CACNG8: variants seen among roughly 807,000 people sequenced by gnomAD.
The protein encoded by CACNG8 is calcium voltage-gated channel auxiliary subunit gamma 8.
In CACNG8, 5 loss-of-function variants were observed where a neutral mutation model predicts 26.9. The ratio of observed to expected loss-of-function variants is 0.19; its 90% CI spans 0.10 to 0.39. The LOEUF is 0.39. Among genes scored for constraint, CACNG8 ranks in the 10% least tolerant of loss-of-function variants. The probability of loss-of-function intolerance (pLI) is 1.00; values close to 1 mark genes in which losing one functional copy is unlikely to be tolerated. For synonymous variants in CACNG8, 321 were observed against 296.7 expected (o/e 1.08, Z -0.84); for missense variants, 473 against 609.4 (o/e 0.78, Z 2.36).
chr19:53,970,336 A>G (rs1248084096), intron 1 of CACNG8, among the ~76,000 whole-genome samples: 1 of 142,494 alleles, frequency 7.0e-6, no homozygotes, highest in Non-Finnish European at 1.5e-5. Context: ...AAAGAAATAT[A>G]ACACAAGGAT....
intron 2 of CACNG8, among the ~76,000 whole-genome samples, chr19:53,979,100 C>A (rs1440204209): frequency 1.6e-5 from 2 of 125,026 alleles, no homozygotes; most frequent in Non-Finnish European, 3.1e-5. Context: ...TGAAGCCAGA[C>A]AGAAAAAGTT....
chr19:53,973,194 T>C (rs2069312269), intron 1 of CACNG8, among the ~76,000 whole-genome samples: 1 of 152,136 alleles, frequency 6.6e-6, no homozygotes, highest in Non-Finnish European at 1.5e-5. Context: ...TCATCACGAA[T>C]ATTTTGAGAG....
At chr19:53,965,639 G>A (rs927324524) in intron 1 of CACNG8, among the ~76,000 whole-genome samples, 1 of 152,014 alleles carries the variant, frequency 6.6e-6, no homozygotes, top group African/African-American at 2.4e-5. Context: ...GGATTCTGGG[G>A]CTGCAGCAGT....
intron 3 of CACNG8, among the ~76,000 whole-genome samples, chr19:53,981,871 C>G (rs1013699955): frequency 6.6e-6 from 1 of 152,100 alleles, no homozygotes. Flanking sequence ...AGGGAAGCGC[C>G]TAGAGCATCG....
chr19:53,971,963 C>T (rs2069304849), intron 1 of CACNG8, among the ~76,000 whole-genome samples: 1 of 152,170 alleles, frequency 6.6e-6, no homozygotes, highest in Admixed American at 6.6e-5. Context: ...TGGCATTAAG[C>T]ATAACTACTG....
intron 1 of CACNG8, among the ~76,000 whole-genome samples, chr19:53,964,185 G>A (rs547754605): frequency 1.5e-4 from 22 of 151,544 alleles, no homozygotes; most frequent in Admixed American, 1.2e-3. Context: ...CTCGTGCCCC[G>A]TGACATCTTC....
At chr19:53,966,661 T>C (rs1218421245) in intron 1 of CACNG8, among the ~76,000 whole-genome samples, 1 of 152,196 alleles carries the variant, frequency 6.6e-6, no homozygotes, top group Non-Finnish European at 1.5e-5. Context: ...CCCGATGTGT[T>C]GGGATTACAG....
rs1413986321 is a variant in CACNG8, at chr19:53,984,856, GGGA to G, written c.*2014_*2016del. The G allele has an allele frequency of 1.3e-5, 2 of 152,258 alleles. No individual in the cohort carries two copies. The highest frequency in any genetic ancestry group is 6.6e-5 in the Admixed American group (1 of 15,258). The allele number at this position is 152,258 out of a possible 1,614,324, so 9.4% of individuals were successfully genotyped here. On this transcript the variant is annotated 3_prime_UTR_variant, in exon 4 of 4. Coordinates refer to ENST00000270458, the MANE Select transcript of CACNG8 (RefSeq NM_031895.6). ...TGGACACAGCTACTCAGGAGGCTGA[GGGA>G]GGAGGACCATTTGACTCCAAGAGTT...
At chr19:53,980,088 G>A (rs1401599343) in intron 3 of CACNG8, 81 bp downstream of exon 3, 2 of 1,367,060 alleles carry the variant, frequency 1.5e-6, no homozygotes, top group African/African-American at 1.5e-5. Flanking sequence ...GTGTGTGTGC[G>A]CGCGCGCGCG....
At chr19:53,969,108 A>C (rs2069287536) in intron 1 of CACNG8, among the ~76,000 whole-genome samples, 2 of 151,946 alleles carry the variant, frequency 1.3e-5, no homozygotes, top group African/African-American at 4.8e-5. Flanking sequence ...GGTTCAAGCA[A>C]TTCTCCCGCC....
At chr19:53,977,635 G>A (rs2069337545) in intron 1 of CACNG8, among the ~76,000 whole-genome samples, 1 of 152,158 alleles carries the variant, frequency 6.6e-6, no homozygotes, top group Non-Finnish European at 1.5e-5. Context: ...ATCCACTGCG[G>A]CTGCTCTTCT....
At chr19:53,971,655 C>G (rs1568798019) in intron 1 of CACNG8, among the ~76,000 whole-genome samples, 1 of 152,228 alleles carries the variant, frequency 6.6e-6, no homozygotes, top group Non-Finnish European at 1.5e-5. Flanking sequence ...GCCGACCATA[C>G]AGAGCCCCTT....
At position 53,989,455 on chromosome 19, in the gene CACNG8, G is replaced by A. The variant is rs1484588300; in HGVS notation, c.*6606G>A. On this transcript the variant is annotated 3_prime_UTR_variant, in exon 4 of 4. Coordinates refer to ENST00000270458, the MANE Select transcript of CACNG8 (RefSeq NM_031895.6). ...AAAGACCCAGAGATTCGCATAGAAA[G>A]CAACGTGGAGACTCAGAAGCAAGCA... 2 of 152,620 alleles carry A rather than the reference G, an allele frequency of 1.3e-5. No individual in the cohort carries two copies. Among genetic ancestry groups the A allele is most frequent in the East Asian group, 3.9e-4 (2 of 5,190 alleles). The allele number at this position is 152,620 out of a possible 1,614,324, so 9.5% of individuals were successfully genotyped here.
intron 1 of CACNG8, among the ~76,000 whole-genome samples, chr19:53,977,437 G>A (rs752539358): frequency 9.8e-5 from 15 of 152,310 alleles, no homozygotes; most frequent in Non-Finnish European, 1.8e-4. Context: ...GAAAATAGCT[G>A]AGGATGAGCA....
At chr19:53,967,799 C>A (rs2069279900) in intron 1 of CACNG8, among the ~76,000 whole-genome samples, 1 of 152,174 alleles carries the variant, frequency 6.6e-6, no homozygotes. Context: ...CGCATCACTG[C>A]ACTCTAGCCT....
At chr19:53,974,712 G>A (rs2069321093) in intron 1 of CACNG8, among the ~76,000 whole-genome samples, 1 of 151,916 alleles carries the variant, frequency 6.6e-6, no homozygotes, top group South Asian at 2.1e-4. Context: ...CATGATCTTG[G>A]CTCACTGCAA....
intron 1 of CACNG8, among the ~76,000 whole-genome samples, chr19:53,963,870 C>T (rs1012210974): frequency 3.4e-5 from 5 of 147,332 alleles, no homozygotes; most frequent in Non-Finnish European, 6.0e-5. Context: ...GGCACAATCA[C>T]AGCTCACTGC....
intron 3 of CACNG8, 52 bp downstream of exon 3, chr19:53,980,059 T>TAC: frequency 2.6e-6 from 1 of 386,288 alleles, no homozygotes; most frequent in Non-Finnish European, 3.5e-6. Flanking sequence ...GGCGCGCACG[T>TAC]GTGTGTGTGT....
chr19:53,974,929 C>T (rs1019753328), intron 1 of CACNG8, among the ~76,000 whole-genome samples: 2 of 150,256 alleles, frequency 1.3e-5, no homozygotes, highest in East Asian at 2.0e-4. Flanking sequence ...CGTGAGCTAC[C>T]GCACCCAGCC....
Sources: allele counts gnomAD v4.1 joint callset (sites outside exome capture counted in the v4.1 genomes callset), GRCh38; gene constraint gnomAD v4.1.1; transcripts MANE v1.5; gene names NCBI Gene and HGNC (gene_info 2026-07-23, HGNC 2026-07-21).